STS: variants seen among roughly 807,000 people sequenced by gnomAD.
STS encodes the protein steryl-sulfatase.
STS carries 7 observed loss-of-function variants against 26.8 expected under a neutral mutation model. The observed-to-expected ratio is 0.26, with a 90% CI of 0.15 to 0.49. The LOEUF is 0.49. Ranked by LOEUF, STS falls within the 20% of genes least tolerant of loss-of-function variation. STS has a pLI of 0.98. For synonymous variants in STS, 199 were observed against 189.4 expected (o/e 1.05, Z -0.42); for missense variants, 434 against 465.6 (o/e 0.93, Z 0.63).
intron 2 of STS, among the ~76,000 whole-genome samples, chrX:7,240,467 A>G (rs776982035): frequency 1.1e-3 from 41 of 36,723 alleles, no homozygotes; most frequent in East Asian, 3.1e-3. Context: ...GCGCGCGCGC[A>G]CACACACACA....
At chrX:7,268,331 T>C (rs1193827571) in intron 6 of STS, among the ~76,000 whole-genome samples, 2 of 112,047 alleles carry the variant, frequency 1.8e-5, no homozygotes, top group Non-Finnish European at 3.8e-5. Context: ...CTATCACCAT[T>C]TGGCACAGTC....
At position 7,299,037 on chromosome X, in the gene STS, ATATT is replaced by A. The variant is rs1925812154; in HGVS notation, c.944-6005_944-6002del. On this transcript the variant is annotated intron_variant, in intron 7 of 10. Transcript: ENST00000674429. Reference sequence around the variant, plus strand: ...ATATATATAAATATATTTTATTTATATATTTATATATAAATAAATATATTTATTT... The same window carrying A: ...ATATATATAAATATATTTTATTTATATATATATAAATAAATATATTTATTT... Among the ~76,000 whole-genome samples the A allele has an allele frequency of 6.8e-5, 3 of 44,167 alleles. No individual in the cohort carries two copies. In the South Asian group the frequency reaches 1.9e-3, roughly 28 times the overall value. 38.4% of individuals were successfully genotyped at this position (44,167 alleles called of 115,157 possible). A position where few individuals can be genotyped will look rare whatever the true frequency, so the allele number is the denominator to read the frequency against.
intron 10 of STS, among the ~76,000 whole-genome samples, chrX:7,349,086 A>G (rs1226530618): frequency 9.5e-6 from 1 of 105,509 alleles, no homozygotes; most frequent in Non-Finnish European, 1.9e-5. Context: ...GGTTCACACA[A>G]TCCTCCTGCC....
At chrX:7,235,057 C>A (rs775822477) in intron 2 of STS, among the ~76,000 whole-genome samples, 14 of 111,763 alleles carry the variant, frequency 1.3e-4, no homozygotes, top group African/African-American at 4.6e-4. Flanking sequence ...CTATGGGACA[C>A]AGTCCTCTCC....
intron 2 of STS, among the ~76,000 whole-genome samples, chrX:7,222,360 ACTGT>A (rs1387202328): frequency 9.0e-6 from 1 of 110,688 alleles, no homozygotes. Context: ...TGTTGCCATA[ACTGT>A]CTGTCTGCAA....
At chrX:7,148,693 G>C in intron 1 of STS, among the ~76,000 whole-genome samples, 1 of 112,127 alleles carries the variant, frequency 8.9e-6, no homozygotes, top group Non-Finnish European at 1.9e-5. Flanking sequence ...TGCGGTCCTG[G>C]ACCGCGACTT....
Position 7,312,327 on chromosome X carries a change from C to T in STS, c.1081+7144C>T, listed in dbSNP as rs757995590. Among the ~76,000 whole-genome samples, 32 of 112,162 alleles carry T rather than the reference C, an allele frequency of 2.9e-4. 1 individual carries two copies. The East Asian group carries it at 3.4e-3, about 12-fold the overall frequency. On this transcript the variant is annotated intron_variant, in intron 8 of 10. Coordinates refer to ENST00000674429, the MANE Select transcript of STS (RefSeq NM_001320752.2). Reference sequence around the variant, plus strand: ...CCCACCACTTTATTCTAATTGCTCGCATCTCTGATAACTTACCTGTTTATT... The same window carrying T: ...CCCACCACTTTATTCTAATTGCTCGTATCTCTGATAACTTACCTGTTTATT...
At chrX:7,250,404 A>T (rs1271501696) in intron 2 of STS, among the ~76,000 whole-genome samples, 1 of 101,882 alleles carries the variant, frequency 9.8e-6, no homozygotes, top group Non-Finnish European at 2.0e-5. Context: ...ACCATGCTTT[A>T]AAAAAAAAAA....
chrX:7,228,023 C>G (rs750849100), intron 2 of STS, among the ~76,000 whole-genome samples: 2 of 112,233 alleles, frequency 1.8e-5, no homozygotes, highest in Non-Finnish European at 3.8e-5. Flanking sequence ...CAAGGTTCAT[C>G]CATGCTGTTG....
intron 1 of STS, among the ~76,000 whole-genome samples, chrX:7,190,189 C>T (rs899946178): frequency 1.8e-5 from 2 of 109,949 alleles, no homozygotes; most frequent in African/African-American, 6.6e-5. Flanking sequence ...AGCTTGTTCT[C>T]CTGCAACTAG....
chrX:7,195,641 C>G (rs1264343948), intron 2 of STS, among the ~76,000 whole-genome samples: 1 of 112,672 alleles, frequency 8.9e-6, no homozygotes, highest in Non-Finnish European at 1.9e-5. Context: ...TACATCCACT[C>G]TAGTGAAAGC....
chrX:7,266,963 T>C (rs1268877531), intron 6 of STS, among the ~76,000 whole-genome samples: 1 of 112,137 alleles, frequency 8.9e-6, no homozygotes, highest in Non-Finnish European at 1.9e-5. Context: ...AACAACCTCA[T>C]GAGGTCGGTA....
intron 2 of STS, among the ~76,000 whole-genome samples, chrX:7,227,419 G>A (rs1248983086): frequency 9.4e-6 from 1 of 106,017 alleles, no homozygotes; most frequent in Non-Finnish European, 1.9e-5. Flanking sequence ...TTCAGTTCTA[G>A]TTACTCTATT....
intron 1 of STS, among the ~76,000 whole-genome samples, chrX:7,149,246 GAC>G (rs1197793995): frequency 1.9e-5 from 2 of 104,133 alleles, no homozygotes; most frequent in Non-Finnish European, 4.0e-5. Flanking sequence ...AGGGGAAAAA[GAC>G]AAAAAAAAAA....
intron 2 of STS, among the ~76,000 whole-genome samples, chrX:7,227,868 C>T (rs1269825936): frequency 9.0e-6 from 1 of 110,944 alleles, no homozygotes; most frequent in Non-Finnish European, 1.9e-5. Context: ...CTCATAAATC[C>T]CCATTTTCCC....
chrX:7,293,724 T>C (rs757865428), intron 7 of STS, among the ~76,000 whole-genome samples: 2 of 112,080 alleles, frequency 1.8e-5, no homozygotes, highest in African/African-American at 3.2e-5. Flanking sequence ...AGATATTGTG[T>C]ATGTTTTTCT....
At chrX:7,240,372 T>C (rs1392188481) in intron 2 of STS, among the ~76,000 whole-genome samples, 1 of 106,049 alleles carries the variant, frequency 9.4e-6, no homozygotes, top group Non-Finnish European at 1.9e-5. Context: ...TATCCTATTG[T>C]GTTCAATTTC....
At chrX:7,348,079 C>T (rs1928604696) in intron 10 of STS, among the ~76,000 whole-genome samples, 1 of 111,837 alleles carries the variant, frequency 8.9e-6, no homozygotes, top group Non-Finnish European at 1.9e-5. Flanking sequence ...GTCCTGCTCT[C>T]GCAGAATCAG....
rs1383577600 is a variant in STS, at chrX:7,228,551, C to T, written c.-4-24645C>T. Among the ~76,000 whole-genome samples, 3 of 110,640 alleles carry T rather than the reference C, an allele frequency of 2.7e-5. No individual in the cohort carries two copies. In the Admixed American group the frequency reaches 2.9e-4, roughly 11 times the overall value. ...TCTTCGGAGAAATGTCTAGTGAAGT[C>T]CTTTGGCCATTTTTTAATTGGGTTA... On this transcript the variant is annotated intron_variant, in intron 2 of 10. Coordinates refer to ENST00000674429, the MANE Select transcript of STS (RefSeq NM_001320752.2).
Sources: gnomAD v4.1 joint callset for allele counts (sites outside exome capture counted in the v4.1 genomes callset) on GRCh38, gnomAD v4.1.1 for gene constraint, MANE v1.5 for transcripts, NCBI Gene and HGNC (gene_info 2026-07-23, HGNC 2026-07-21) for gene names.